The following KATNBL1 variants were observed in gnomAD, a reference collection of about 807,000 sequenced individuals.
The protein encoded by KATNBL1 is KATNB1-like protein 1.
In KATNBL1, 28 loss-of-function variants were observed where a neutral mutation model predicts 44.7. The ratio of observed to expected loss-of-function variants is 0.63; its 90% confidence interval spans 0.46 to 0.86. The LOEUF (loss-of-function observed/expected upper bound fraction) is 0.86, where lower values mean the gene tolerates loss of function less well. KATNBL1 is among the 40% of genes least tolerant of loss of function. The probability of loss-of-function intolerance (pLI) is 0.00; values close to 1 mark genes in which losing one functional copy is unlikely to be tolerated. For missense variants in KATNBL1, 272 were observed against 350.7 expected (o/e 0.78, Z 1.79); for synonymous variants, 78 against 114.9 (o/e 0.68, Z 2.06).
At chr15:34,187,326 A>G (rs1046310240) in intron 1 of KATNBL1, among the ~76,000 whole-genome samples, 2 of 152,118 alleles carry the variant, frequency 1.3e-5, no homozygotes, top group African/African-American at 4.8e-5. Context: ...GCCTACAGAG[A>G]GGAGCTACAC....
At chr15:34,189,561 T>C (rs541846395) in intron 1 of KATNBL1, among the ~76,000 whole-genome samples, 19 of 152,294 alleles carry the variant, frequency 1.2e-4, no homozygotes, top group African/African-American at 4.3e-4. Context: ...AAACTTGATA[T>C]CACAAAATAT....
rs545514843 is a variant in KATNBL1, at chr15:34,205,190, CA to C, written c.-15+4760del. ...TTGTATTTTAGTAAAGACGGGGTTTCACTGTGTTGACCAGGATGGTCTCGAT... is the reference window on the plus strand; with the variant it reads ...TTGTATTTTAGTAAAGACGGGGTTTCCTGTGTTGACCAGGATGGTCTCGAT... On this transcript the variant is annotated intron_variant, in intron 1 of 9. Coordinates refer to ENST00000256544, the MANE Select transcript of KATNBL1 (RefSeq NM_024713.3). Among the ~76,000 whole-genome samples the C allele has an allele frequency of 1.6e-3, 241 of 152,196 alleles. 1 individual carries two copies. The highest frequency in any genetic ancestry group is 0.012 in the East Asian group (62 of 5,156).
chr15:34,154,535 CAAT>C, intron 3 of KATNBL1, 106 bp downstream of exon 3: 1 of 741,814 alleles, frequency 1.3e-6, no homozygotes, highest in South Asian at 1.6e-5. Flanking sequence ...AGCTGTTTGA[CAAT>C]AAGTTAATTA....
chr15:34,167,925 G>C (rs1889032664), intron 1 of KATNBL1, among the ~76,000 whole-genome samples: 1 of 152,136 alleles, frequency 6.6e-6, no homozygotes, highest in Non-Finnish European at 1.5e-5. Flanking sequence ...CCTTACAAGA[G>C]CTCCTGAAGG....
chr15:34,166,767 G>A (rs1318458507), intron 1 of KATNBL1, among the ~76,000 whole-genome samples: 1 of 152,342 alleles, frequency 6.6e-6, no homozygotes, highest in South Asian at 2.1e-4. Context: ...AATATTTGCT[G>A]TTCTGCAGCC....
rs539573212 is a variant in KATNBL1, at chr15:34,175,267, T to C, written c.-14-11577A>G. Reference sequence around the variant, plus strand: ...TTTTATTTTTTCAGATTTTGAAATATGTCCATTATATACTTACTGGTTACA... The same window carrying C: ...TTTTATTTTTTCAGATTTTGAAATACGTCCATTATATACTTACTGGTTACA... On this transcript the variant is annotated intron_variant, in intron 1 of 9. Transcript: ENST00000256544. Among the ~76,000 whole-genome samples the C allele has an allele frequency of 7.2e-5, 11 of 152,196 alleles. No individual in the cohort carries two copies. The South Asian group carries it at 2.3e-3, about 32-fold the overall frequency.
At chr15:34,164,490 G>C (rs995740421) in intron 1 of KATNBL1, among the ~76,000 whole-genome samples, 2 of 149,322 alleles carry the variant, frequency 1.3e-5, no homozygotes, top group Non-Finnish European at 3.0e-5. Context: ...CATTTTTGCA[G>C]ACAGCTCTCC....
intron 4 of KATNBL1, among the ~76,000 whole-genome samples, chr15:34,151,303 G>A (rs1039096928): frequency 5.3e-5 from 8 of 151,964 alleles, no homozygotes; most frequent in African/African-American, 1.7e-4. Flanking sequence ...ATGATATCCT[G>A]TTGTGGTTTT....
chr15:34,179,482 A>G (rs1407944993), intron 1 of KATNBL1, among the ~76,000 whole-genome samples: 3 of 152,068 alleles, frequency 2.0e-5, no homozygotes, highest in African/African-American at 7.2e-5. Flanking sequence ...GCACATTGAA[A>G]CCATAGCAAT....
At chr15:34,144,392 T>A (rs1170750675) in intron 9 of KATNBL1, among the ~76,000 whole-genome samples, 1 of 151,500 alleles carries the variant, frequency 6.6e-6, no homozygotes, top group Non-Finnish European at 1.5e-5. Flanking sequence ...TATAACTAAG[T>A]CCATGACATA....
chr15:34,175,328 C>T (rs1013886247), intron 1 of KATNBL1, among the ~76,000 whole-genome samples: 19 of 152,250 alleles, frequency 1.2e-4, no homozygotes, highest in African/African-American at 4.3e-4. Context: ...CTTCAATAAG[C>T]ATTCCGTTTG....
At chr15:34,199,411 T>G (rs985529892) in intron 1 of KATNBL1, among the ~76,000 whole-genome samples, 2 of 152,184 alleles carry the variant, frequency 1.3e-5, no homozygotes, top group Non-Finnish European at 2.9e-5. Flanking sequence ...CACTCCAGCC[T>G]AGATGACAGG....
At chr15:34,187,052 G>C (rs1482312663) in intron 1 of KATNBL1, among the ~76,000 whole-genome samples, 1 of 152,230 alleles carries the variant, frequency 6.6e-6, no homozygotes, top group Admixed American at 6.5e-5. Context: ...AAAGATGGCA[G>C]AGAGATGATG....
chr15:34,172,975 G>A (rs552467361), intron 1 of KATNBL1, among the ~76,000 whole-genome samples: 12 of 152,050 alleles, frequency 7.9e-5, no homozygotes, highest in Admixed American at 7.2e-4. Flanking sequence ...TTAAAGAATT[G>A]CATCTATAAA....
chr15:34,164,307 C>T (rs1282336545), intron 1 of KATNBL1, among the ~76,000 whole-genome samples: 1 of 152,146 alleles, frequency 6.6e-6, no homozygotes, highest in Non-Finnish European at 1.5e-5. Context: ...AATAAACACA[C>T]AGGTTATGAA....
At chr15:34,155,284 T>C (rs1476997574) in intron 2 of KATNBL1, among the ~76,000 whole-genome samples, 1 of 152,186 alleles carries the variant, frequency 6.6e-6, no homozygotes, top group African/African-American at 2.4e-5. Context: ...TAACATGTCT[T>C]GGCATAGCTG....
At chr15:34,146,899 CT>C (rs752575239) in intron 7 of KATNBL1, 49 bp from the exon 8 acceptor site, 1 of 1,158,720 alleles carries the variant, frequency 8.6e-7, no homozygotes, top group Non-Finnish European at 1.3e-6. Flanking sequence ...TCTAAGAACC[CT>C]TCTTATAAAA....
intron 2 of KATNBL1, among the ~76,000 whole-genome samples, chr15:34,161,755 G>C (rs1888815541): frequency 6.6e-6 from 1 of 152,132 alleles, no homozygotes; most frequent in Non-Finnish European, 1.5e-5. Flanking sequence ...TACAGAGCAG[G>C]TGACTAAGAT....
At chr15:34,178,494 T>A (rs73378141) in intron 1 of KATNBL1, among the ~76,000 whole-genome samples, 46,955 of 151,912 alleles carry the variant, frequency 0.31, 7,757 homozygotes, top group African/African-American at 0.44. Flanking sequence ...GTGGTGGCTC[T>A]CACCTGTAAT....
Sources: allele counts gnomAD v4.1 joint callset (sites outside exome capture counted in the v4.1 genomes callset), GRCh38; gene constraint gnomAD v4.1.1; transcripts MANE v1.5; gene names NCBI Gene and HGNC (gene_info 2026-07-23, HGNC 2026-07-21).